RUFY2: variants seen among roughly 807,000 people sequenced by gnomAD.
RUFY2 encodes the protein RUN and FYVE domain-containing protein 2.
A neutral mutation model predicts 94.4 loss-of-function variants in RUFY2; 49 were observed. The observed-to-expected ratio is 0.52, with a 90% CI of 0.41 to 0.66. The LOEUF is 0.66. RUFY2 is among the 30% of genes least tolerant of loss of function. RUFY2 has a pLI of 0.00. For missense variants in RUFY2, 541 were observed against 692.8 expected, an observed-to-expected ratio of 0.78 and a Z score of 2.46; for synonymous variants, 255 against 235.7, an observed-to-expected ratio of 1.08 and a Z score of -0.75.
chr10:68,364,180 T>C (rs1357949411), intron 13 of RUFY2, 67 bp from the exon 14 acceptor site: 46 of 1,442,948 alleles, frequency 3.2e-5, no homozygotes, highest in Non-Finnish European at 4.3e-5. Context: ...ATGTATTCTT[T>C]ACTAAAATCA....
intron 16 of RUFY2, among the ~76,000 whole-genome samples, chr10:68,347,766 C>G (rs1197428937): frequency 6.6e-6 from 1 of 152,136 alleles, no homozygotes; most frequent in Non-Finnish European, 1.5e-5. Context: ...GACCAAAGAA[C>G]CCAAGTATAA....
intron 16 of RUFY2, among the ~76,000 whole-genome samples, chr10:68,347,906 CAA>C (rs1022530962): frequency 8.8e-5 from 13 of 147,920 alleles, no homozygotes; most frequent in African/African-American, 2.8e-4. Flanking sequence ...TTTCTAAAAA[CAA>C]GAGTTTTCTT....
At position 68,386,106 on chromosome 10, in the gene RUFY2, A is replaced by C. The variant is rs1367763791; in HGVS notation, c.673T>G (p.Ser225Ala). Residue 225 changes from serine (S) to alanine (A), a missense_variant, in exon 8 of 18, where the codon TCA becomes GCA. Around this residue, in one of 3 missense-constraint regions of RUFY2, gnomAD observed 403 missense variants for 480.7 expected, o/e 0.84. Transcript: ENST00000602465. ...GACTTTTCTAATGAATCAACTCTTG[A>C]ATGGAGGCTGCTGACTGTGCTGCTG... ...QLNSTVSSLH[S>A]RVDSLEKSNT... 3 of 1,612,700 alleles carry C rather than the reference A, an allele frequency of 1.9e-6. No individual in the cohort carries two copies. Among genetic ancestry groups the C allele is most frequent in the Non-Finnish European group, 2.5e-6 (3 of 1,179,466 alleles).
chr10:68,359,131 C>A (rs989004121), intron 15 of RUFY2, among the ~76,000 whole-genome samples: 1 of 151,970 alleles, frequency 6.6e-6, no homozygotes, highest in African/African-American at 2.4e-5. Context: ...GTAATCCCAA[C>A]CCTTTGGGAG....
At chr10:68,348,114 C>CT (rs397975622) in intron 16 of RUFY2, among the ~76,000 whole-genome samples, 1,675 of 142,884 alleles carry the variant, frequency 0.012, 29 homozygotes, top group African/African-American at 0.039. Context: ...ATTATAAGGG[C>CT]TTTTTTTTTT....
At chr10:68,388,792 G>C (rs2049734966) in intron 7 of RUFY2, among the ~76,000 whole-genome samples, 2 of 148,518 alleles carry the variant, frequency 1.3e-5, no homozygotes, top group Admixed American at 1.4e-4. Context: ...GCCAAGATCA[G>C]GCCACTGCAC....
At chr10:68,397,955 C>G (rs1022612226) in intron 3 of RUFY2, among the ~76,000 whole-genome samples, 1 of 151,360 alleles carries the variant, frequency 6.6e-6, no homozygotes, top group Non-Finnish European at 1.5e-5. Flanking sequence ...GGTGAAACCC[C>G]GTCTCTACTA....
downstream of RUFY2, chr10:68,343,300 G>A (rs1175291812): frequency 5.3e-5 from 8 of 152,202 alleles, no homozygotes; most frequent in Admixed American, 5.2e-4. Context: ...AGGGAGCCGG[G>A]GCAGCCTATA....
At chr10:68,395,912 T>C (rs1042800704) in intron 4 of RUFY2, among the ~76,000 whole-genome samples, 3 of 152,218 alleles carry the variant, frequency 2.0e-5, no homozygotes, top group Non-Finnish European at 4.4e-5. Context: ...AGAACAAGAA[T>C]GAATGGAGGA....
chr10:68,381,016 T>A (rs925962480), intron 11 of RUFY2, among the ~76,000 whole-genome samples: 2 of 152,226 alleles, frequency 1.3e-5, no homozygotes, highest in Non-Finnish European at 2.9e-5. Flanking sequence ...CTTCATACTC[T>A]TAATCTTTCA....
chr10:68,370,800 A>G (rs915600069), intron 13 of RUFY2, among the ~76,000 whole-genome samples: 6 of 152,022 alleles, frequency 3.9e-5, no homozygotes, highest in Non-Finnish European at 7.4e-5. Context: ...ATAACAACAG[A>G]AATTATCCAA....
intron 16 of RUFY2, among the ~76,000 whole-genome samples, chr10:68,352,809 A>C (rs1400829139): frequency 6.6e-6 from 1 of 152,056 alleles, no homozygotes; most frequent in African/African-American, 2.4e-5. Flanking sequence ...AATCTCAGCT[A>C]CTTGGGAGGC....
Position 68,381,287 on chromosome 10 carries a change from C to A in RUFY2, c.1052G>T (p.Arg351Leu), listed in dbSNP as rs779542369. The A allele has an allele frequency of 1.9e-6, 3 of 1,613,644 alleles. No individual in the cohort carries two copies. The highest frequency in any genetic ancestry group is 1.3e-5 in the African/African-American group (1 of 74,884). Residue 351 changes from arginine (R) to leucine (L), a missense_variant, in exon 11 of 18, where the codon CGA (arginine) becomes CTA (leucine). Transcript: ENST00000602465. The part of the protein sequence containing the change: ...HEKQDTLIGL[R>L]QQLEEVKAIN... ...TGCTTTAACTTCCTCTAGTTGTTGT[C>A]GAAGGCCTATCAGAGTATCTTGTTT...
In RUFY2 at chr10:68,376,929, C is replaced by T. The variant is rs371250432; in HGVS notation, c.1249G>A (p.Asp417Asn). ...EKAQMEAEDE[D>N]EKYLQECLSK... Reference sequence around the variant, plus strand: ...AGACATTCTTGTAGATATTTCTCATCCTCATCTTCAGCTTCCATTTGCGCC... The same window carrying T: ...AGACATTCTTGTAGATATTTCTCATTCTCATCTTCAGCTTCCATTTGCGCC... Residue 417 changes from aspartate (D) to asparagine (N), a missense_variant, in exon 13 of 18, where the codon GAT becomes AAT. By Grantham distance (23) the Asp-to-Asn change is conservative (BLOSUM62 1). Around this residue, in one of 3 missense-constraint regions of RUFY2, gnomAD observed 403 missense variants for 480.7 expected, o/e 0.84. Transcript: ENST00000602465. The T allele has an allele frequency of 6.2e-7, 1 of 1,613,630 alleles. No individual in the cohort carries two copies. Among genetic ancestry groups the T allele is most frequent in the South Asian group, 1.1e-5 (1 of 91,064 alleles).
intron 10 of RUFY2, among the ~76,000 whole-genome samples, chr10:68,382,860 C>T (rs943475426): frequency 1.2e-4 from 18 of 151,990 alleles, no homozygotes; most frequent in African/African-American, 4.1e-4. Flanking sequence ...GCTGTATATT[C>T]GTATTTTTCT....
At chr10:68,371,163 G>A (rs1156549106) in intron 13 of RUFY2, among the ~76,000 whole-genome samples, 5 of 150,532 alleles carry the variant, frequency 3.3e-5, no homozygotes. Context: ...CAGGAGTGGT[G>A]GCTCACACCT....
chr10:68,343,611 C>CATG lies in RUFY2; in HGVS notation c.*2154_*2156dup, dbSNP rs1008295562. On this transcript the variant is annotated 3_prime_UTR_variant, in exon 18 of 18. Transcript: ENST00000602465. ...AATTACAATTGTAATTCCCTGGCAC[C>CATG]ATGATAGCATTATTGTGGTAGTACT... is the stretch of plus-strand genomic sequence containing the variant. 4 of 151,938 alleles carry CATG rather than the reference C, an allele frequency of 2.6e-5. No individual in the cohort carries two copies. The highest frequency in any genetic ancestry group is 9.7e-5 in the African/African-American group (4 of 41,228). The allele number at this position is 151,938 out of a possible 1,614,324, so 9.4% of individuals were successfully genotyped here. A position where few individuals can be genotyped will look rare whatever the true frequency, so the allele number is the denominator to read the frequency against.
chr10:68,389,742 T>C (rs879682367), intron 7 of RUFY2, among the ~76,000 whole-genome samples: 3 of 151,824 alleles, frequency 2.0e-5, no homozygotes, highest in African/African-American at 2.4e-5. Context: ...TGCAGTGAGC[T>C]GAGACTGCAC....
At chr10:68,360,438 T>C (rs956490466) in intron 15 of RUFY2, among the ~76,000 whole-genome samples, 2 of 150,630 alleles carry the variant, frequency 1.3e-5, no homozygotes, top group African/African-American at 4.9e-5. Flanking sequence ...CTCTATTTAA[T>C]TTTTTTAAAA....
Sources: allele counts gnomAD v4.1 joint callset (sites outside exome capture counted in the v4.1 genomes callset), GRCh38; gene constraint gnomAD v4.1.1; regional missense constraint gnomAD v4.1.1; transcripts MANE v1.5; gene names NCBI Gene and HGNC (gene_info 2026-07-23, HGNC 2026-07-21).